Variants in ERBB4 observed in about 807,000 individuals in gnomAD.
The protein encoded by ERBB4 is receptor tyrosine-protein kinase erbB-4.
Under a neutral mutation model 158.0 loss-of-function variants are expected in ERBB4, and 42 were observed. That is an observed-to-expected ratio of 0.27 (90% CI 0.21 to 0.34). ERBB4 has a LOEUF of 0.34. Ranked by LOEUF, ERBB4 falls within the 10% of genes least tolerant of loss-of-function variation. The probability of loss-of-function intolerance (pLI) is 1.00; values close to 1 mark genes in which losing one functional copy is unlikely to be tolerated. For synonymous variants in ERBB4, 583 were observed against 558.7 expected, an observed-to-expected ratio of 1.04 and a Z score of -0.61; for missense variants, 1,333 against 1,624.1, an observed-to-expected ratio of 0.82 and a Z score of 3.08.
intron 1 of ERBB4, among the ~76,000 whole-genome samples, chr2:212,399,585 T>TATATATATATATATATATATA (rs1560214662): frequency 2.5e-5 from 3 of 121,642 alleles, no homozygotes; most frequent in Admixed American, 8.6e-5. Context: ...TATATATATA[T>TATATATATATATATATATATA]TGGGCGTGGT....
intron 1 of ERBB4, among the ~76,000 whole-genome samples, chr2:212,520,901 G>A (rs1415624822): frequency 1.4e-5 from 2 of 144,810 alleles, no homozygotes; most frequent in African/African-American, 2.6e-5. Context: ...TGAAGTTTAT[G>A]ATGTCATGCA....
At chr2:212,017,366 C>A (rs1279698765) in intron 2 of ERBB4, among the ~76,000 whole-genome samples, 1 of 151,936 alleles carries the variant, frequency 6.6e-6, no homozygotes, top group Non-Finnish European at 1.5e-5. Flanking sequence ...TCAGTATAAC[C>A]CAAAACTCAT....
At chr2:212,007,297 T>C (rs2076281597) in intron 2 of ERBB4, among the ~76,000 whole-genome samples, 2 of 151,882 alleles carry the variant, frequency 1.3e-5, no homozygotes, top group South Asian at 4.1e-4. Context: ...AAGATATTTG[T>C]GCTATATATT....
At chr2:211,792,392 T>C (rs963263812) in intron 3 of ERBB4, among the ~76,000 whole-genome samples, 12 of 151,734 alleles carry the variant, frequency 7.9e-5, no homozygotes, top group African/African-American at 2.2e-4. Context: ...AATATATATA[T>C]ATAATTCTGT....
At chr2:211,446,234 T>A (rs1390242569) in intron 20 of ERBB4, among the ~76,000 whole-genome samples, 1 of 152,010 alleles carries the variant, frequency 6.6e-6, no homozygotes, top group Non-Finnish European at 1.5e-5. Flanking sequence ...AAGATCAGGG[T>A]AAAGATTGCC....
chr2:212,516,901 G>T (rs1303937029), intron 1 of ERBB4, among the ~76,000 whole-genome samples: 1 of 152,124 alleles, frequency 6.6e-6, no homozygotes, highest in Admixed American at 6.6e-5. Context: ...TAGGCAGAAT[G>T]TGTTGAATGT....
At chr2:212,442,960 C>T (rs554053588) in intron 1 of ERBB4, among the ~76,000 whole-genome samples, 6 of 152,352 alleles carry the variant, frequency 3.9e-5, no homozygotes, top group Admixed American at 3.3e-4. Context: ...TGGAGAAGGA[C>T]AATGGATTAC....
intron 20 of ERBB4, among the ~76,000 whole-genome samples, chr2:211,526,376 C>A (rs2066349185): frequency 6.6e-6 from 1 of 152,164 alleles, no homozygotes; most frequent in Non-Finnish European, 1.5e-5. Flanking sequence ...TGTCCACAAC[C>A]ACCAAGGCAG....
chr2:212,392,070 C>T lies in ERBB4; in HGVS notation c.82+146379G>A, dbSNP rs141955389. Among the ~76,000 whole-genome samples the T allele has an allele frequency of 7.4e-3, 1,124 of 151,432 alleles. 14 individuals carry two copies. Among genetic ancestry groups the T allele is most frequent in the African/African-American group, 0.026 (1,084 of 41,360 alleles). ...CACATTTTATTGGTTACTATAGACACGTAACCATCAAAATGAATATAAAAA... is the reference window on the plus strand; with the variant it reads ...CACATTTTATTGGTTACTATAGACATGTAACCATCAAAATGAATATAAAAA... On this transcript the variant is annotated intron_variant, in intron 1 of 27. Coordinates refer to ENST00000342788, the MANE Select transcript of ERBB4 (RefSeq NM_005235.3).
chr2:212,249,020 T>C lies in ERBB4; in HGVS notation c.83-124117A>G, dbSNP rs1022415571. Among the ~76,000 whole-genome samples, 35 of 152,134 alleles carry C rather than the reference T, an allele frequency of 2.3e-4. 1 individual carries two copies. Among genetic ancestry groups the C allele is most frequent in the African/African-American group, 8.0e-4 (33 of 41,466 alleles). On this transcript the variant is annotated intron_variant, in intron 1 of 27. Coordinates refer to ENST00000342788, the MANE Select transcript of ERBB4 (RefSeq NM_005235.3). ...TTCCATTACATAGTCAAATGCCTGA[T>C]TTCTACAATGTAATTATATCGTTTC...
intron 17 of ERBB4, among the ~76,000 whole-genome samples, chr2:211,625,072 GA>G (rs577753447): frequency 5.7e-4 from 82 of 144,460 alleles, no homozygotes; most frequent in East Asian, 1.6e-3. Flanking sequence ...GCATATGTGA[GA>G]AAAAAAAAAA....
At chr2:211,876,466 ATTAAAGT>A (rs565639192) in intron 3 of ERBB4, among the ~76,000 whole-genome samples, 31 of 152,240 alleles carry the variant, frequency 2.0e-4, no homozygotes, top group African/African-American at 7.5e-4. Context: ...ATATAGAGCA[ATTAAAGT>A]TTATTCTTTT....
intron 3 of ERBB4, among the ~76,000 whole-genome samples, chr2:211,871,734 T>C (rs747162750): frequency 1.1e-4 from 16 of 152,190 alleles, no homozygotes; most frequent in Non-Finnish European, 1.8e-4. Context: ...ACCAAAAATA[T>C]ATATTTCTAT....
intron 2 of ERBB4, among the ~76,000 whole-genome samples, chr2:212,097,555 GAAT>G (rs1309688858): frequency 6.6e-6 from 1 of 152,066 alleles, no homozygotes; most frequent in African/African-American, 2.4e-5. Context: ...GGGCAGGGAT[GAAT>G]TATACAGAAA....
chr2:211,513,323 A>G (rs1418035000), intron 20 of ERBB4, among the ~76,000 whole-genome samples: 1 of 134,704 alleles, frequency 7.4e-6, no homozygotes, highest in East Asian at 2.6e-4. Flanking sequence ...TGCAGTCCGC[A>G]GTCCGGCCTG....
intron 19 of ERBB4, among the ~76,000 whole-genome samples, chr2:211,591,034 A>C (rs567690888): frequency 7.9e-5 from 12 of 152,228 alleles, no homozygotes; most frequent in Non-Finnish European, 1.8e-4. Context: ...CCCTGTAAGG[A>C]TCTCTCATGG....
intron 2 of ERBB4, among the ~76,000 whole-genome samples, chr2:212,058,295 T>G (rs1161637204): frequency 6.6e-6 from 1 of 152,166 alleles, no homozygotes; most frequent in African/African-American, 2.4e-5. Context: ...GTGGCAACAG[T>G]TAATAGCCTG....
intron 20 of ERBB4, among the ~76,000 whole-genome samples, chr2:211,545,329 A>G (rs1199871750): frequency 6.6e-6 from 1 of 152,066 alleles, no homozygotes; most frequent in Non-Finnish European, 1.5e-5. Flanking sequence ...AATAGTAATG[A>G]CATCATGGAA....
At chr2:212,126,182 G>C (rs2079919350) in intron 1 of ERBB4, among the ~76,000 whole-genome samples, 1 of 152,008 alleles carries the variant, frequency 6.6e-6, no homozygotes, top group Non-Finnish European at 1.5e-5. Flanking sequence ...TTAATTTTGT[G>C]GCTGGGCATG....
Sources: gnomAD v4.1 joint callset for allele counts (sites outside exome capture counted in the v4.1 genomes callset) on GRCh38, gnomAD v4.1.1 for gene constraint, MANE v1.5 for transcripts, NCBI Gene and HGNC (gene_info 2026-07-23, HGNC 2026-07-21) for gene names.